PLCB1: variants seen among roughly 807,000 people sequenced by gnomAD.
PLCB1 encodes phospholipase C beta 1.
A neutral mutation model predicts 161.8 loss-of-function variants in PLCB1; 46 were observed. That is an observed-to-expected ratio of 0.28 (90% CI 0.22 to 0.36). The LOEUF (loss-of-function observed/expected upper bound fraction) is 0.36. Among genes scored for constraint, PLCB1 ranks in the 10% least tolerant of loss-of-function variants. The pLI is 1.00. For synonymous variants in PLCB1, 517 were observed against 503.7 expected (o/e 1.03, Z -0.35); for missense variants, 1,016 against 1,472.5 (o/e 0.69, Z 5.07).
At chr20:8,701,851 A>G (rs1488724563) in intron 11 of PLCB1, among the ~76,000 whole-genome samples, 2 of 152,184 alleles carry the variant, frequency 1.3e-5, no homozygotes, top group Non-Finnish European at 2.9e-5. Flanking sequence ...TCCATCCTAC[A>G]CATAATATGT....
At chr20:8,868,543 CCTTCACA>C (rs1380439129) in intron 31 of PLCB1, among the ~76,000 whole-genome samples, 5 of 152,194 alleles carry the variant, frequency 3.3e-5, no homozygotes, top group Non-Finnish European at 5.9e-5. Flanking sequence ...GTTCCTGAGA[CCTTCACA>C]CATCCTGTTT....
chr20:8,630,586 G>A (rs1229457067), intron 4 of PLCB1, among the ~76,000 whole-genome samples: 2 of 152,094 alleles, frequency 1.3e-5, no homozygotes, highest in East Asian at 3.9e-4. Flanking sequence ...TTATTTTGCT[G>A]TATATGAATG....
chr20:8,435,801 GA>G (rs1980274707), intron 3 of PLCB1, among the ~76,000 whole-genome samples: 1 of 152,156 alleles, frequency 6.6e-6, no homozygotes, highest in Non-Finnish European at 1.5e-5. Context: ...TCCGTTACCA[GA>G]TATACTGCAA....
intron 3 of PLCB1, among the ~76,000 whole-genome samples, chr20:8,582,580 C>T (rs1264684106): frequency 1.3e-5 from 2 of 151,780 alleles, no homozygotes; most frequent in Non-Finnish European, 2.9e-5. Flanking sequence ...TGAATCCCTG[C>T]CTTATGTTCA....
intron 3 of PLCB1, among the ~76,000 whole-genome samples, chr20:8,519,028 C>T (rs928348293): frequency 2.0e-5 from 3 of 152,022 alleles, no homozygotes; most frequent in South Asian, 2.1e-4. Context: ...CAAGGGGGAG[C>T]GGCTGTAAAT....
chr20:8,867,904 T>G (rs1467643081), intron 31 of PLCB1, among the ~76,000 whole-genome samples: 1 of 152,184 alleles, frequency 6.6e-6, no homozygotes, highest in Non-Finnish European at 1.5e-5. Context: ...AGTTAATACA[T>G]GTAAGGTCCT....
At chr20:8,374,713 T>A (rs1026830685) in intron 3 of PLCB1, among the ~76,000 whole-genome samples, 2 of 152,024 alleles carry the variant, frequency 1.3e-5, no homozygotes, top group African/African-American at 4.8e-5. Context: ...GATACCAGGA[T>A]AAAGTGAAGA....
At position 8,774,682 on chromosome 20, in the gene PLCB1, A is replaced by G. The variant is rs1250342429; in HGVS notation, c.3074A>G (p.Tyr1025Cys). The G allele has an allele frequency of 8.1e-6, 13 of 1,611,112 alleles. No homozygotes were observed. The highest frequency in any genetic ancestry group is 2.2e-5 in the East Asian group (1 of 44,852). The change falls in exon 27 of 32, where the codon TAT becomes TGT. Residue 1025 changes from tyrosine (Y) to cysteine (C), a missense_variant. Transcript: ENST00000338037. ...CTTAATCTTCGGCAAGAACAGTATT[A>G]TAGTGAAAAATACCAGAAGCGAGAA... is the stretch of plus-strand genomic sequence containing the variant. ...QLLNLRQEQY[Y>C]SEKYQKREHI...
chr20:8,161,764 G>A (rs1027385563), intron 2 of PLCB1, among the ~76,000 whole-genome samples: 22 of 152,026 alleles, frequency 1.4e-4, no homozygotes, highest in Non-Finnish European at 2.8e-4. Context: ...TTGGTCTGGG[G>A]TGTGGTCAGA....
intron 3 of PLCB1, among the ~76,000 whole-genome samples, chr20:8,406,749 C>T (rs1365677836): frequency 6.6e-6 from 1 of 152,040 alleles, no homozygotes; most frequent in Non-Finnish European, 1.5e-5. Context: ...TCAGTTTTAC[C>T]AGTATTACAG....
intron 2 of PLCB1, among the ~76,000 whole-genome samples, chr20:8,312,112 G>A (rs1984428165): frequency 6.6e-6 from 1 of 152,148 alleles, no homozygotes; most frequent in Non-Finnish European, 1.5e-5. Context: ...GCCAGCTGCT[G>A]TGAGGATTAG....
chr20:8,541,081 T>C (rs1238794437), intron 3 of PLCB1, among the ~76,000 whole-genome samples: 1 of 152,120 alleles, frequency 6.6e-6, no homozygotes, highest in Admixed American at 6.5e-5. Flanking sequence ...CACTGTTCCT[T>C]CCATTTTAAA....
At chr20:8,721,591 G>A (rs1473631875) in intron 14 of PLCB1, among the ~76,000 whole-genome samples, 1 of 152,146 alleles carries the variant, frequency 6.6e-6, no homozygotes, top group African/African-American at 2.4e-5. Flanking sequence ...AATTATTTCT[G>A]ATGGAGTTAG....
chr20:8,359,449 C>G (rs1382146218), intron 2 of PLCB1, among the ~76,000 whole-genome samples: 1 of 152,014 alleles, frequency 6.6e-6, no homozygotes, highest in Non-Finnish European at 1.5e-5. Flanking sequence ...AGAATATGAA[C>G]ATATTTCTTT....
chr20:8,637,916 C>T (rs1341851612), intron 4 of PLCB1, among the ~76,000 whole-genome samples: 2 of 152,196 alleles, frequency 1.3e-5, no homozygotes, highest in Non-Finnish European at 2.9e-5. Context: ...ATTTTTGAGA[C>T]GGAGTCTCGC....
intron 3 of PLCB1, among the ~76,000 whole-genome samples, chr20:8,616,760 A>C (rs945839952): frequency 3.3e-5 from 5 of 152,226 alleles, no homozygotes; most frequent in African/African-American, 1.2e-4. Flanking sequence ...TCTCTAAAGA[A>C]ACAGATTCCC....
intron 3 of PLCB1, among the ~76,000 whole-genome samples, chr20:8,552,949 T>C (rs920525190): frequency 4.6e-5 from 7 of 152,164 alleles, no homozygotes; most frequent in African/African-American, 1.7e-4. Context: ...TGGGATAAAC[T>C]TGATTGGGTG....
chr20:8,712,277 A>G (rs1310091039), intron 12 of PLCB1, among the ~76,000 whole-genome samples: 1 of 152,178 alleles, frequency 6.6e-6, no homozygotes, highest in Non-Finnish European at 1.5e-5. Context: ...CCTGGGTGAC[A>G]GAGTGAGACT....
chr20:8,681,084 GTGTA>G (rs1555782770), intron 9 of PLCB1, among the ~76,000 whole-genome samples: 26 of 39,780 alleles, frequency 6.5e-4, no homozygotes, highest in Admixed American at 4.2e-3. Flanking sequence ...ATATGTGTGT[GTGTA>G]TATATATATA....
Sources: allele counts gnomAD v4.1 joint callset (sites outside exome capture counted in the v4.1 genomes callset), GRCh38; gene constraint gnomAD v4.1.1; transcripts MANE v1.5; gene names NCBI Gene and HGNC (gene_info 2026-07-23, HGNC 2026-07-21).